LRBA: variants seen among roughly 807,000 people sequenced by gnomAD.
LRBA encodes lipopolysaccharide-responsive and beige-like anchor protein.
LRBA carries 176 observed loss-of-function variants against 330.0 expected under a neutral mutation model. The ratio of observed to expected loss-of-function variants is 0.53; its 90% CI spans 0.47 to 0.60. The LOEUF (loss-of-function observed/expected upper bound fraction) is 0.60. Among genes scored for constraint, LRBA ranks in the 20% least tolerant of loss-of-function variants. The pLI, the probability that LRBA is intolerant of heterozygous loss-of-function variation, is 0.00. For missense variants in LRBA, 3,259 were observed against 3,444.8 expected, an observed-to-expected ratio of 0.95 and a Z score of 1.35; for synonymous variants, 1,230 against 1,193.0, an observed-to-expected ratio of 1.03 and a Z score of -0.64.
chr4:150,668,711 G>A (rs1781784255), intron 37 of LRBA, among the ~76,000 whole-genome samples: 2 of 152,112 alleles, frequency 1.3e-5, no homozygotes, highest in Admixed American at 1.3e-4. Context: ...AAGTTAGAAG[G>A]GAAAGATTAT....
At chr4:150,498,861 C>A (rs1245822180) in intron 40 of LRBA, among the ~76,000 whole-genome samples, 1 of 152,026 alleles carries the variant, frequency 6.6e-6, no homozygotes. Context: ...AATAAAAATG[C>A]TACTAAAAGA....
chr4:150,304,677 TA>T (rs566164200), intron 52 of LRBA, among the ~76,000 whole-genome samples: 4 of 151,880 alleles, frequency 2.6e-5, no homozygotes, highest in African/African-American at 9.7e-5. Flanking sequence ...CTTCAAGAAC[TA>T]AAAAAAATTG....
At chr4:150,747,642 T>A (rs1322757732) in intron 35 of LRBA, among the ~76,000 whole-genome samples, 1 of 152,194 alleles carries the variant, frequency 6.6e-6, no homozygotes, top group Admixed American at 6.5e-5. Flanking sequence ...TTCTTAAGGT[T>A]CTTAAAACAT....
chr4:150,643,374 TA>T (rs1778856647), intron 37 of LRBA, among the ~76,000 whole-genome samples: 1 of 151,934 alleles, frequency 6.6e-6, no homozygotes, highest in Non-Finnish European at 1.5e-5. Flanking sequence ...TTTACCATGT[TA>T]ATGCAGGCTA....
intron 46 of LRBA, among the ~76,000 whole-genome samples, chr4:150,425,201 C>A (rs1207339474): frequency 6.6e-6 from 1 of 152,120 alleles, no homozygotes; most frequent in Non-Finnish European, 1.5e-5. Context: ...ACTTTTAATG[C>A]ACATTTACAA....
At chr4:150,377,477 C>T (rs1002206009) in intron 47 of LRBA, among the ~76,000 whole-genome samples, 2 of 152,096 alleles carry the variant, frequency 1.3e-5, no homozygotes, top group African/African-American at 2.4e-5. Context: ...TTATACTATG[C>T]AGCAGCTAAA....
chr4:150,747,076 CATT>C (rs1157868113), intron 35 of LRBA, among the ~76,000 whole-genome samples: 1 of 152,168 alleles, frequency 6.6e-6, no homozygotes, highest in Non-Finnish European at 1.5e-5. Flanking sequence ...AAATCAGTCT[CATT>C]GTTGTTAAAC....
intron 34 of LRBA, among the ~76,000 whole-genome samples, chr4:150,797,640 T>C (rs1404546651): frequency 3.3e-5 from 5 of 152,082 alleles, no homozygotes. Flanking sequence ...TTCCCAAATC[T>C]ACTGTGCATG....
chr4:150,457,761 C>T (rs983413094), intron 44 of LRBA, among the ~76,000 whole-genome samples: 3 of 151,766 alleles, frequency 2.0e-5, no homozygotes, highest in Non-Finnish European at 4.4e-5. Flanking sequence ...TGTAAATTCA[C>T]AGTAGATATT....
chr4:150,988,013 A>AG (rs1741652998), intron 2 of LRBA, among the ~76,000 whole-genome samples: 1 of 152,044 alleles, frequency 6.6e-6, no homozygotes, highest in Admixed American at 6.6e-5. Context: ...AAAAAAAAAA[A>AG]AAAAAAGTGC....
chr4:151,000,217 AG>A (rs1372403949), intron 2 of LRBA, among the ~76,000 whole-genome samples: 1 of 152,220 alleles, frequency 6.6e-6, no homozygotes, highest in East Asian at 1.9e-4. Flanking sequence ...TAAGTTGAAA[AG>A]TCAAAACTAC....
intron 47 of LRBA, among the ~76,000 whole-genome samples, chr4:150,365,507 TTA>T (rs1739330357): frequency 6.6e-6 from 1 of 152,122 alleles, no homozygotes; most frequent in Non-Finnish European, 1.5e-5. Flanking sequence ...AAATGTGATT[TTA>T]GGCTGGGCAC....
chr4:150,359,680 A>C (rs1374674669), intron 47 of LRBA, among the ~76,000 whole-genome samples: 1 of 152,096 alleles, frequency 6.6e-6, no homozygotes, highest in African/African-American at 2.4e-5. Context: ...GTACACTATT[A>C]AAGTATTAAA....
At chr4:150,916,271 G>T in intron 7 of LRBA, 130 bp downstream of exon 7, 1 of 837,532 alleles carries the variant, frequency 1.2e-6, no homozygotes, top group Non-Finnish European at 1.8e-6. Flanking sequence ...AGTGATTTAC[G>T]CTTCATCTTT....
chr4:150,871,322 GTAAATCC>G lies in LRBA; in HGVS notation c.2367+16_2367+22del. ...TTTTTATAATAAGAAATTTAGAGGA[GTAAATCC>G]TAAGTACATTCCTACCTCAAACAGC... On this transcript the variant is annotated intron_variant, in intron 19 of 56. Coordinates refer to ENST00000651943, the MANE Select transcript of LRBA (RefSeq NM_001364905.1). 1 of 1,314,516 alleles carries G rather than the reference GTAAATCC, an allele frequency of 7.6e-7. No individual in the cohort carries two copies. The highest frequency in any genetic ancestry group is 1.1e-6 in the Non-Finnish European group (1 of 913,534). 81.4% of individuals were successfully genotyped at this position (1,314,516 alleles called of 1,614,324 possible). A position where few individuals can be genotyped will look rare whatever the true frequency, so the allele number is the denominator to read the frequency against.
chr4:150,860,206 TAA>T (rs752368465), intron 22 of LRBA, among the ~76,000 whole-genome samples: 52 of 152,112 alleles, frequency 3.4e-4, no homozygotes, highest in Non-Finnish European at 6.5e-4. Flanking sequence ...CACGAAGGAA[TAA>T]AAGACATGTA....
intron 11 of LRBA, among the ~76,000 whole-genome samples, chr4:150,907,514 A>T (rs1026472127): frequency 2.0e-5 from 3 of 152,110 alleles, no homozygotes; most frequent in African/African-American, 7.2e-5. Flanking sequence ...TTTTATTTTT[A>T]AAAAAATTGT....
At chr4:151,004,548 T>A (rs528189630) in intron 2 of LRBA, among the ~76,000 whole-genome samples, 49 of 152,306 alleles carry the variant, frequency 3.2e-4, no homozygotes, top group African/African-American at 1.2e-3. Flanking sequence ...CATTTAATAT[T>A]CTCAGACCAT....
chr4:150,906,250 T>C (rs748395456), intron 12 of LRBA, 47 bp downstream of exon 12: 3 of 1,192,532 alleles, frequency 2.5e-6, no homozygotes, highest in Non-Finnish European at 3.7e-6. Context: ...AACAAATGTA[T>C]GGCCTGTAAA....
Sources: gnomAD v4.1 joint callset for allele counts (sites outside exome capture counted in the v4.1 genomes callset) on GRCh38, gnomAD v4.1.1 for gene constraint, MANE v1.5 for transcripts, NCBI Gene and HGNC (gene_info 2026-07-23, HGNC 2026-07-21) for gene names.